Variants in DNAAF9 observed in about 807,000 individuals in gnomAD.
DNAAF9 encodes dynein axonemal assembly factor 9.
In DNAAF9, 90 loss-of-function variants were observed where a neutral mutation model predicts 167.0. The observed-to-expected ratio is 0.54, with a 90% confidence interval of 0.45 to 0.64. The LOEUF is 0.64. DNAAF9 is among the 30% of genes least tolerant of loss of function. The pLI is 0.00. For synonymous variants in DNAAF9, 491 were observed against 508.8 expected (o/e 0.96, Z 0.47); for missense variants, 1,315 against 1,442.2 (o/e 0.91, Z 1.43).
At chr20:3,333,559 T>C (rs533113952) in intron 10 of DNAAF9, among the ~76,000 whole-genome samples, 1 of 152,220 alleles carries the variant, frequency 6.6e-6, no homozygotes, top group Non-Finnish European at 1.5e-5. Context: ...AAGTTACTAA[T>C]AGTGAACATC....
intron 6 of DNAAF9, among the ~76,000 whole-genome samples, chr20:3,367,333 G>A (rs6037579): frequency 0.19 from 29,507 of 152,124 alleles, 3,051 homozygotes; most frequent in African/African-American, 0.24. Context: ...TCAGCAATAC[G>A]GTTGTTTCAC....
intron 7 of DNAAF9, 82 bp downstream of exon 7, chr20:3,359,434 A>C (rs985514805): frequency 8.8e-6 from 8 of 909,274 alleles, no homozygotes; most frequent in Non-Finnish European, 1.4e-5. Flanking sequence ...TATCCTTTGC[A>C]TTTCTTCAAA....
At chr20:3,260,181 T>C (rs866546003) in intron 31 of DNAAF9, among the ~76,000 whole-genome samples, 153 bp from the exon 32 acceptor site, 6 of 151,872 alleles carry the variant, frequency 4.0e-5, no homozygotes, top group Middle Eastern at 3.4e-3. Flanking sequence ...CTACTAAAAA[T>C]ACAAAAAATT....
chr20:3,392,262 C>T (rs1235353641), intron 1 of DNAAF9, among the ~76,000 whole-genome samples: 1 of 152,194 alleles, frequency 6.6e-6, no homozygotes, highest in Non-Finnish European at 1.5e-5. Flanking sequence ...ATGTGGTCAC[C>T]AATGACTTTG....
chr20:3,295,756 G>A (rs183126108), intron 23 of DNAAF9: 2 of 694,444 alleles, frequency 2.9e-6, no homozygotes, highest in Admixed American at 3.6e-5. Context: ...ACTTTATTCT[G>A]GAAGTCCTCC....
intron 36 of DNAAF9, among the ~76,000 whole-genome samples, chr20:3,253,323 CCCAGCTA>C (rs1347648638): frequency 1.3e-5 from 2 of 152,180 alleles, no homozygotes; most frequent in Non-Finnish European, 2.9e-5. Flanking sequence ...CGCCTGTAAT[CCCAGCTA>C]CTCGGGAGGC....
intron 17 of DNAAF9, 21 bp downstream of exon 17, chr20:3,318,268 C>G (rs767352722): frequency 2.1e-6 from 2 of 951,118 alleles, no homozygotes; most frequent in Non-Finnish European, 1.6e-6. Context: ...GGTTTGCTTT[C>G]TAAAGATCAC....
At chr20:3,310,982 T>C (rs2069404465) in intron 20 of DNAAF9, among the ~76,000 whole-genome samples, 1 of 152,164 alleles carries the variant, frequency 6.6e-6, no homozygotes, top group South Asian at 2.1e-4. Flanking sequence ...TGTAAAACAG[T>C]CTGGCCTCAT....
At chr20:3,327,006 G>A (rs966792390) in intron 12 of DNAAF9, among the ~76,000 whole-genome samples, 4 of 152,142 alleles carry the variant, frequency 2.6e-5, no homozygotes, top group South Asian at 2.1e-4. Flanking sequence ...GTTTCATATC[G>A]TCTTTTCACT....
intron 1 of DNAAF9, among the ~76,000 whole-genome samples, chr20:3,387,258 T>C (rs2083755490): frequency 6.6e-6 from 1 of 152,184 alleles, no homozygotes; most frequent in South Asian, 2.1e-4. Flanking sequence ...TTTTAAAACT[T>C]ATTACAAAGC....
intron 25 of DNAAF9, among the ~76,000 whole-genome samples, chr20:3,292,760 C>T (rs2068984326): frequency 7.2e-6 from 1 of 139,618 alleles, no homozygotes; most frequent in Non-Finnish European, 1.5e-5. Context: ...AGCGAGACTC[C>T]ATTTCAAAAA....
At chr20:3,374,899 G>A in intron 5 of DNAAF9, 131 bp downstream of exon 5, 1 of 634,756 alleles carries the variant, frequency 1.6e-6, no homozygotes, top group East Asian at 2.6e-5. Context: ...ACTTAATTCT[G>A]CTTGATGTCT....
intron 1 of DNAAF9, among the ~76,000 whole-genome samples, chr20:3,390,425 G>A (rs1292429743): frequency 6.6e-6 from 1 of 151,082 alleles, no homozygotes; most frequent in Non-Finnish European, 1.5e-5. Context: ...GAGTGCGGTG[G>A]CACGATCTTG....
At chr20:3,279,850 C>T (rs2068736509) in intron 28 of DNAAF9, among the ~76,000 whole-genome samples, 1 of 152,194 alleles carries the variant, frequency 6.6e-6, no homozygotes. Context: ...TGTTTTCTTC[C>T]CTGGCAATTG....
intron 7 of DNAAF9, among the ~76,000 whole-genome samples, chr20:3,352,314 T>C (rs1292425700): frequency 1.3e-5 from 2 of 152,196 alleles, no homozygotes; most frequent in African/African-American, 2.4e-5. Context: ...TCTGGGTTTC[T>C]GACTCCCTGC....
intron 7 of DNAAF9, among the ~76,000 whole-genome samples, chr20:3,355,460 G>A (rs1385493123): frequency 3.3e-5 from 5 of 151,948 alleles, no homozygotes; most frequent in East Asian, 1.9e-4. Context: ...CTGTAGTCCC[G>A]GCTACTCAGG....
intron 6 of DNAAF9, chr20:3,361,888 T>C: frequency 6.7e-7 from 1 of 1,487,958 alleles, no homozygotes; most frequent in Non-Finnish European, 9.3e-7. Context: ...GGTTAATTGC[T>C]CTAACACTGT....
chr20:3,395,090 C>T (rs2083886699), intron 1 of DNAAF9, among the ~76,000 whole-genome samples: 1 of 147,694 alleles, frequency 6.8e-6, no homozygotes, highest in Non-Finnish European at 1.5e-5. Context: ...GCCTCAGCCT[C>T]CCATGTAGCT....
intron 14 of DNAAF9, among the ~76,000 whole-genome samples, chr20:3,323,127 A>G (rs1029805578): frequency 1.3e-5 from 2 of 150,136 alleles, no homozygotes; most frequent in Non-Finnish European, 3.0e-5. Context: ...GCTTACTCTA[A>G]CTTGTGTAAG....
Sources: gnomAD v4.1 joint callset for allele counts (sites outside exome capture counted in the v4.1 genomes callset) on GRCh38, gnomAD v4.1.1 for gene constraint, MANE v1.5 for transcripts, NCBI Gene and HGNC (gene_info 2026-07-23, HGNC 2026-07-21) for gene names.